The following DDX46 variants were observed in gnomAD, a reference collection of about 807,000 sequenced individuals.
DDX46 encodes DEAD-box helicase 46.
Under a neutral mutation model 134.9 loss-of-function variants are expected in DDX46, and 30 were observed. The ratio of observed to expected loss-of-function variants is 0.22; its 90% CI spans 0.17 to 0.30. The LOEUF is 0.30. Ranked by LOEUF, DDX46 falls within the 10% of genes least tolerant of loss-of-function variation. DDX46 has a pLI of 1.00. For synonymous variants in DDX46, 415 were observed against 404.1 expected (o/e 1.03, Z -0.32); for missense variants, 622 against 1,248.7 (o/e 0.50, Z 7.56).
chr5:134,794,786 A>G, intron 13 of DDX46, 64 bp from the exon 14 acceptor site: 3 of 1,576,628 alleles, frequency 1.9e-6, no homozygotes, highest in South Asian at 1.2e-5. Context: ...ACTTGGTTTT[A>G]ACATTGCATA....
intron 20 of DDX46, among the ~76,000 whole-genome samples, chr5:134,818,411 TG>T (rs1213346585): frequency 6.6e-6 from 1 of 150,690 alleles, no homozygotes; most frequent in East Asian, 2.0e-4. Context: ...ATCTCAATAT[TG>T]ACCATAGGGC....
intron 18 of DDX46, among the ~76,000 whole-genome samples, chr5:134,814,599 G>A (rs1378693655): frequency 6.6e-6 from 1 of 152,066 alleles, no homozygotes; most frequent in African/African-American, 2.4e-5. Context: ...CCCCCTGTTG[G>A]TGTTTTCTTG....
intron 14 of DDX46, among the ~76,000 whole-genome samples, chr5:134,795,217 T>G (rs568463445): frequency 1.3e-4 from 19 of 147,318 alleles, no homozygotes; most frequent in African/African-American, 3.1e-4. Flanking sequence ...TTTTTTTTTT[T>G]TTGTTTTTTT....
intron 6 of DDX46, among the ~76,000 whole-genome samples, chr5:134,778,946 G>T (rs1271286111): frequency 6.6e-6 from 1 of 151,988 alleles, no homozygotes; most frequent in Non-Finnish European, 1.5e-5. Flanking sequence ...GCCTAGGCTA[G>T]AATGCAGTGG....
At chr5:134,769,849 G>A (rs1448778383) in intron 3 of DDX46, among the ~76,000 whole-genome samples, 3 of 152,100 alleles carry the variant, frequency 2.0e-5, no homozygotes, top group East Asian at 3.9e-4. Context: ...GCCCGGCCGA[G>A]TTGGGGTTTC....
At chr5:134,800,240 A>C (rs1005902678) in intron 15 of DDX46, among the ~76,000 whole-genome samples, 3 of 152,054 alleles carry the variant, frequency 2.0e-5, no homozygotes, top group African/African-American at 7.2e-5. Flanking sequence ...GAGCTCCTGC[A>C]CCTGGCCTGA....
chr5:134,795,120 C>G (rs1754611026), intron 14 of DDX46, 106 bp downstream of exon 14: 3 of 1,307,654 alleles, frequency 2.3e-6, no homozygotes, highest in Non-Finnish European at 3.2e-6. Flanking sequence ...TTTCTAAAAT[C>G]AAGTCGTATA....
intron 19 of DDX46, 139 bp downstream of exon 19, chr5:134,816,745 T>A: frequency 1.2e-6 from 1 of 858,064 alleles, no homozygotes; most frequent in Non-Finnish European, 1.7e-6. Context: ...CAATACAGAA[T>A]TTTTTGATAA....
chr5:134,810,139 C>A (rs1755100915), intron 16 of DDX46, among the ~76,000 whole-genome samples: 1 of 151,902 alleles, frequency 6.6e-6, no homozygotes, highest in African/African-American at 2.4e-5. Flanking sequence ...CCTCCAACTC[C>A]TAGGCTCAAG....
At chr5:134,796,591 G>T (rs187910726) in intron 15 of DDX46, among the ~76,000 whole-genome samples, 1 of 152,146 alleles carries the variant, frequency 6.6e-6, no homozygotes, top group Admixed American at 6.5e-5. Flanking sequence ...GGTAGCTCAC[G>T]CCTGTAATCC....
At position 134,794,927 on chromosome 5, in the gene DDX46, G is replaced by A. The variant is rs2150148171; in HGVS notation, c.1704G>A (p.Glu568=). 1 of 1,614,180 alleles carries A rather than the reference G, an allele frequency of 6.2e-7. No homozygotes were observed. The highest frequency in any genetic ancestry group is 8.5e-7 in the Non-Finnish European group (1 of 1,180,020). The change falls in exon 14 of 23, where the codon GAG becomes GAA. Residue 568 remains glutamate, a synonymous_variant. Coordinates refer to ENST00000452510, the MANE Select transcript of DDX46 (RefSeq NM_001300860.2). ...CAGCTACTTTCCCCAGAGCTATGGAGGCTTTGGCTCGCAGGATCCTCAGTA... is the reference window on the plus strand; with the variant it reads ...CAGCTACTTTCCCCAGAGCTATGGAAGCTTTGGCTCGCAGGATCCTCAGTA... ...MFSATFPRAM[E]ALARRILSKP... is the part of the protein sequence containing the mutation.
chr5:134,761,540 A>C (rs1753386695), intron 1 of DDX46, among the ~76,000 whole-genome samples: 1 of 152,230 alleles, frequency 6.6e-6, no homozygotes, highest in African/African-American at 2.4e-5. Context: ...AGCTTTAAAT[A>C]GCCTTTGTAC....
rs373830062 is a variant in DDX46, at chr5:134,785,444, C to G, written c.1343-21C>G. The G allele has an allele frequency of 5.6e-6, 9 of 1,608,710 alleles. No homozygotes were observed. In the African/African-American group the frequency reaches 1.2e-4, roughly 22 times the overall value. On this transcript the variant is annotated intron_variant, in intron 10 of 22. Coordinates refer to ENST00000452510, the MANE Select transcript of DDX46 (RefSeq NM_001300860.2). ...CTTAAGAATTTTGGTGGTTAGGCTA[C>G]TGATGTATTTATCTTTCCAGCTGTC...
intron 15 of DDX46, among the ~76,000 whole-genome samples, chr5:134,800,659 G>C (rs992608170): frequency 1.3e-5 from 2 of 151,868 alleles, no homozygotes; most frequent in African/African-American, 2.4e-5. Flanking sequence ...GCAACCACTC[G>C]TGTGTGTTTT....
chr5:134,816,622 C>T lies in DDX46; in HGVS notation c.2613+16C>T, dbSNP rs201434828. 84 of 1,607,594 alleles carry T rather than the reference C, an allele frequency of 5.2e-5. No homozygotes were observed. Among genetic ancestry groups the T allele is most frequent in the Non-Finnish European group, 7.0e-5 (82 of 1,178,506 alleles). ...GTCTCAGGTATTAAGTAATTTGTTC[C>T]AAGTCTCAGTCAATACTTTTAAGAA... On this transcript the variant is annotated intron_variant, in intron 19 of 22. Coordinates refer to ENST00000452510, the MANE Select transcript of DDX46 (RefSeq NM_001300860.2).
rs764268624 is a variant in DDX46, at chr5:134,784,369, T to C, written c.1170T>C (p.His390=). The C allele has an allele frequency of 1.9e-6, 3 of 1,598,956 alleles. No homozygotes were observed. The East Asian group carries it at 6.7e-5, about 36-fold the overall frequency. The change falls in exon 10 of 23, where the codon CAT becomes CAC. Residue 390 remains histidine (H), a synonymous_variant. Transcript: ENST00000452510. The stretch of plus-strand genomic sequence containing the variant: ...TTCCTTTGGTTTTCTTTTTAAGGCA[T>C]GGCTATGAAAAGCCCACGCCCATCC... ...SMKILNSLKK[H]GYEKPTPIQT... is the part of the protein sequence containing the mutation.
chr5:134,782,889 A>G lies in DDX46; in HGVS notation c.1046-56A>G, dbSNP rs1754198450. On this transcript the variant is annotated intron_variant, in intron 8 of 22. Coordinates refer to ENST00000452510, the MANE Select transcript of DDX46 (RefSeq NM_001300860.2). ...TTAATCTTATGCCTAATTGAAAAGT[A>G]GAAGACACCAATAGAACAATATTTA... 13 of 1,584,314 alleles carry G rather than the reference A, an allele frequency of 8.2e-6. No individual in the cohort carries two copies. The East Asian group carries it at 2.5e-4, about 30-fold the overall frequency.
intron 3 of DDX46, among the ~76,000 whole-genome samples, chr5:134,768,081 G>T (rs1450186861): frequency 6.6e-6 from 1 of 151,758 alleles, no homozygotes; most frequent in Non-Finnish European, 1.5e-5. Context: ...TTTGATAGAT[G>T]ACAGAGGTGA....
intron 18 of DDX46, among the ~76,000 whole-genome samples, chr5:134,815,507 A>G (rs1015576022): frequency 1.3e-5 from 2 of 151,910 alleles, no homozygotes; most frequent in Admixed American, 1.3e-4. Context: ...AGGAGATGAG[A>G]CCATCCTGCC....
Sources: gnomAD v4.1 joint callset for allele counts (sites outside exome capture counted in the v4.1 genomes callset) on GRCh38, gnomAD v4.1.1 for gene constraint, MANE v1.5 for transcripts, NCBI Gene and HGNC (gene_info 2026-07-23, HGNC 2026-07-21) for gene names.